Variants in PRR11 observed in about 807,000 individuals in gnomAD.
The protein encoded by PRR11 is proline-rich protein 11.
PRR11 carries 30 observed loss-of-function variants against 45.6 expected under a neutral mutation model. That is an observed-to-expected ratio of 0.66 (90% CI 0.49 to 0.89). The LOEUF (loss-of-function observed/expected upper bound fraction) is 0.89. Ranked by LOEUF, PRR11 falls within the 40% of genes least tolerant of loss-of-function variation. The probability of loss-of-function intolerance (pLI) is 0.00; values close to 1 mark genes in which losing one functional copy is unlikely to be tolerated. For missense variants in PRR11, 373 were observed against 424.8 expected, an observed-to-expected ratio of 0.88 and a Z score of 1.07; for synonymous variants, 128 against 153.5, an observed-to-expected ratio of 0.83 and a Z score of 1.23.
At position 59,175,455 on chromosome 17, in the gene PRR11, G is replaced by A. The variant is rs143751784; in HGVS notation, c.128+5575G>A. ...GCCTGGGCAACATAGCAAGACCCTC[G>A]TCTCTATAAAAAATGTAAAAGACAC... is the stretch of plus-strand genomic sequence containing the variant. On this transcript the variant is annotated intron_variant, in intron 2 of 9. Transcript: ENST00000262293. Among the ~76,000 whole-genome samples, 545 of 152,192 alleles carry A rather than the reference G, an allele frequency of 3.6e-3. 9 individuals are homozygous for A. Among genetic ancestry groups the A allele is most frequent in the African/African-American group, 0.012 (508 of 41,528 alleles).
Position 59,185,114 on chromosome 17 carries a change from C to T in PRR11, c.189C>T (p.Asn63=). ...GAAGCTGGCTAACATCATCCTGGAA[C>T]TTCAATTTTCCTAACATCAGAGATG... is the stretch of plus-strand genomic sequence containing the variant. ...QSRSWLTSSW[N]FNFPNIRDAI... Residue 63 remains asparagine, a synonymous_variant, in exon 3 of 10, where the codon AAC becomes AAT. Transcript: ENST00000262293. 6.2e-7 allele frequency: 1 copy of T among 1,613,384 alleles called. No individual in the cohort carries two copies. Among genetic ancestry groups the T allele is most frequent in the South Asian group, 1.1e-5 (1 of 91,066 alleles).
rs1372001122 is a variant in PRR11, at chr17:59,162,754, G to A, written c.-6+6949G>A. Among the ~76,000 whole-genome samples, 3 of 120,322 alleles carry A rather than the reference G, an allele frequency of 2.5e-5. No individual in the cohort carries two copies. In the East Asian group the frequency reaches 7.6e-4, roughly 31 times the overall value. The allele number at this position is 120,322 out of a possible 152,430, so 78.9% of individuals were successfully genotyped here. A position where few individuals can be genotyped will look rare whatever the true frequency, so the allele number is the denominator to read the frequency against. Reference sequence around the variant, plus strand: ...TTTTTTTTTTTTTTTTTGAGACAGAGTTTCACTCTTGTTGCCCAGGCTGGA... The same window carrying A: ...TTTTTTTTTTTTTTTTTGAGACAGAATTTCACTCTTGTTGCCCAGGCTGGA... On this transcript the variant is annotated intron_variant, in intron 1 of 9. Transcript: ENST00000262293.
chr17:59,200,342 C>A (rs1326721958), intron 9 of PRR11, among the ~76,000 whole-genome samples: 1 of 152,132 alleles, frequency 6.6e-6, no homozygotes, highest in Non-Finnish European at 1.5e-5. Context: ...TACCTGTAAT[C>A]CCAGTGCTTT....
At chr17:59,199,841 C>T (rs190784480) in intron 9 of PRR11, among the ~76,000 whole-genome samples, 82 of 152,224 alleles carry the variant, frequency 5.4e-4, no homozygotes, top group Non-Finnish European at 7.4e-4. Flanking sequence ...CAGCTTTCTG[C>T]GTAGTGGAGA....
chr17:59,159,438 CT>C lies in PRR11; in HGVS notation c.-6+3634del, dbSNP rs569418112. On this transcript the variant is annotated intron_variant, in intron 1 of 9. Coordinates refer to ENST00000262293, the MANE Select transcript of PRR11 (RefSeq NM_018304.4). The stretch of plus-strand genomic sequence containing the variant: ...CAGTTAGATGTATTTAGATACCCTA[CT>C]GTCGCTCCTATAATCAGGTCCTCAT... Among the ~76,000 whole-genome samples, 125 of 152,328 alleles carry C rather than the reference CT, an allele frequency of 8.2e-4. 1 individual carries two copies. The South Asian group carries it at 9.1e-3, about 11-fold the overall frequency.
chr17:59,183,565 C>T (rs540666442), intron 2 of PRR11, among the ~76,000 whole-genome samples: 93 of 152,208 alleles, frequency 6.1e-4, no homozygotes, highest in African/African-American at 2.2e-3. Flanking sequence ...TCTTTGAGTC[C>T]AAGAGACATT....
rs768540146 is a variant in PRR11, at chr17:59,193,677, TCCA to T, written c.596_598del (p.Pro199del). ...CTCCACCTCCACCTCTGCCACCTCC[TCCA>T]CCACCACTAGCACCTGTGTTGCTCA... On this transcript the variant is annotated inframe_deletion, in exon 5 of 10. Coordinates refer to ENST00000262293, the MANE Select transcript of PRR11 (RefSeq NM_018304.4). 5 of 1,613,892 alleles carry T rather than the reference TCCA, an allele frequency of 3.1e-6. No individual in the cohort carries two copies. The South Asian group carries it at 5.5e-5, about 18-fold the overall frequency.
At chr17:59,173,969 G>C (rs1291806073) in intron 2 of PRR11, among the ~76,000 whole-genome samples, 1 of 152,224 alleles carries the variant, frequency 6.6e-6, no homozygotes, top group African/African-American at 2.4e-5. Context: ...CTCTAGACAG[G>C]AAGGTTATTC....
chr17:59,195,866 G>T (rs1323892752), intron 7 of PRR11, among the ~76,000 whole-genome samples: 1 of 151,936 alleles, frequency 6.6e-6, no homozygotes, highest in Non-Finnish European at 1.5e-5. Flanking sequence ...ATTGCTTGAG[G>T]CCGGGAGTTT....
chr17:59,177,272 ACACAGAAAGGGAGAGGT>A (rs1410012873), intron 2 of PRR11: 2 of 547,010 alleles, frequency 3.7e-6, no homozygotes, highest in Non-Finnish European at 7.4e-6. Flanking sequence ...AGAGAAAGGA[ACACAGAAAGGGAGAGGT>A]CACATCTTGG....
At chr17:59,188,552 G>A (rs767841010) in intron 4 of PRR11, among the ~76,000 whole-genome samples, 4 of 152,082 alleles carry the variant, frequency 2.6e-5, no homozygotes, top group African/African-American at 2.4e-5. Context: ...CTATGTAGCC[G>A]TTAAGAAGAA....
At chr17:59,189,977 A>G (rs1338874663) in intron 4 of PRR11, among the ~76,000 whole-genome samples, 1 of 152,124 alleles carries the variant, frequency 6.6e-6, no homozygotes, top group Non-Finnish European at 1.5e-5. Context: ...CTGTCTCTAA[A>G]AAAAAAAAGT....
chr17:59,180,753 G>A (rs766531216), intron 2 of PRR11, among the ~76,000 whole-genome samples: 19 of 151,452 alleles, frequency 1.3e-4, no homozygotes, highest in Non-Finnish European at 2.1e-4. Flanking sequence ...TGATCCACCC[G>A]CCTCAGCCTC....
At chr17:59,171,680 A>G (rs1457203156) in intron 2 of PRR11, among the ~76,000 whole-genome samples, 1 of 152,110 alleles carries the variant, frequency 6.6e-6, no homozygotes, top group Non-Finnish European at 1.5e-5. Flanking sequence ...TAAAATATAT[A>G]GTATATATTA....
intron 2 of PRR11, among the ~76,000 whole-genome samples, chr17:59,179,327 A>G (rs1010778497): frequency 1.3e-5 from 2 of 152,098 alleles, no homozygotes; most frequent in Non-Finnish European, 2.9e-5. Context: ...GCTGGAGTGC[A>G]GTGGTGCCAT....
rs1305911726 is a variant in PRR11 at position 59,203,286 on chromosome 17, G to A, written c.*1655G>A. On this transcript the variant is annotated 3_prime_UTR_variant, in exon 10 of 10. Transcript: ENST00000262293. ...GTCACCCAGGCTGGAGTGCAGTGGC[G>A]CAATCTTGGCTCACTGCAACCTCCA... Among the ~76,000 whole-genome samples the A allele has an allele frequency of 6.6e-6, 1 of 152,008 alleles. No individual in the cohort carries two copies. Among genetic ancestry groups the A allele is most frequent in the East Asian group, 1.9e-4 (1 of 5,174 alleles).
chr17:59,172,050 A>G (rs537568119), intron 2 of PRR11, among the ~76,000 whole-genome samples: 12 of 152,338 alleles, frequency 7.9e-5, no homozygotes, highest in Admixed American at 2.6e-4. Context: ...AAATAAACCT[A>G]TTAATAATTC....
intron 2 of PRR11, among the ~76,000 whole-genome samples, chr17:59,177,739 G>A (rs2046755927): frequency 6.6e-6 from 1 of 152,152 alleles, no homozygotes; most frequent in African/African-American, 2.4e-5. Context: ...AGAATAGCCG[G>A]GAGTGGCAGC....
chr17:59,190,771 C>A (rs974050070), intron 4 of PRR11, among the ~76,000 whole-genome samples: 1 of 152,268 alleles, frequency 6.6e-6, no homozygotes, highest in African/African-American at 2.4e-5. Context: ...TGGCTGCTGG[C>A]AGCCTTAGAT....
Sources: gnomAD v4.1 joint callset for allele counts (sites outside exome capture counted in the v4.1 genomes callset) on GRCh38, gnomAD v4.1.1 for gene constraint, MANE v1.5 for transcripts, NCBI Gene and HGNC (gene_info 2026-07-23, HGNC 2026-07-21) for gene names.